The following EBF3 variants were observed in gnomAD, a reference collection of about 807,000 sequenced individuals.
EBF3 encodes EBF transcription factor 3, also known as transcription factor COE3.
In EBF3, 18 loss-of-function variants were observed where a neutral mutation model predicts 77.1. The observed-to-expected ratio is 0.23, with a 90% CI of 0.16 to 0.35. The LOEUF is 0.35. EBF3 is among the 10% of genes least tolerant of loss of function. The pLI is 1.00. For synonymous variants in EBF3, 350 were observed against 343.5 expected (o/e 1.02, Z -0.21); for missense variants, 558 against 860.0 (o/e 0.65, Z 4.39).
chr10:129,954,806 T>C (rs1858923520), intron 6 of EBF3, among the ~76,000 whole-genome samples: 1 of 152,184 alleles, frequency 6.6e-6, no homozygotes, highest in Non-Finnish European at 1.5e-5. Flanking sequence ...ACACTGCTGA[T>C]GGGGACCTGG....
intron 6 of EBF3, among the ~76,000 whole-genome samples, chr10:129,880,689 A>C (rs1400854332): frequency 2.6e-5 from 4 of 152,216 alleles, no homozygotes; most frequent in African/African-American, 9.6e-5. Flanking sequence ...GACACAAATA[A>C]AGTAAGCTCA....
intron 6 of EBF3, among the ~76,000 whole-genome samples, chr10:129,915,497 CAA>C (rs869168004): frequency 0.27 from 22,292 of 83,222 alleles, 2,102 homozygotes; most frequent in East Asian, 0.42. Context: ...CACACACACA[CAA>C]AAAAGCCAAG....
At chr10:129,910,363 C>G (rs1193786154) in intron 6 of EBF3, among the ~76,000 whole-genome samples, 1 of 152,214 alleles carries the variant, frequency 6.6e-6, no homozygotes, top group Non-Finnish European at 1.5e-5. Context: ...AACCCTAACA[C>G]TTACAAAATT....
rs2296548 is a variant in EBF3 at position 129,944,258 on chromosome 10, C to T, written c.554+13000G>A. On this transcript the variant is annotated intron_variant, in intron 6 of 16. Coordinates refer to ENST00000440978, the MANE Select transcript of EBF3 (RefSeq NM_001375380.1). This position sits in a 1 kb window ranked among gnomAD's most constrained non-coding sequence, Gnocchi z 5.1. ...TTATTTGCGGGTGGGGTCATTTCTC[C>T]TTTCAGATTGGTCAATGAGGGGAAC... Among the ~76,000 whole-genome samples the T allele has an allele frequency of 0.058, 8,862 of 152,210 alleles. 689 individuals are homozygous for T. Among genetic ancestry groups the T allele is most frequent in the East Asian group, 0.18 (926 of 5,186 alleles).
At chr10:129,953,187 G>C (rs534321120) in intron 6 of EBF3, among the ~76,000 whole-genome samples, 7 of 151,668 alleles carry the variant, frequency 4.6e-5, no homozygotes, top group Non-Finnish European at 8.8e-5. Context: ...TGCAGGGTAG[G>C]GGGGGCGCAG....
At position 129,863,120 on chromosome 10, in the gene EBF3, A is replaced by G. The variant is rs1851754564; in HGVS notation, c.1039+4021T>C. ...AGAAGGCAATTTACTATTAACTGGC[A>G]ATTACATACAGAGTGATTGTTAATT... On this transcript the variant is annotated intron_variant, in intron 10 of 16. Coordinates refer to ENST00000440978, the MANE Select transcript of EBF3 (RefSeq NM_001375380.1). The surrounding 1 kb of genome is among the most constrained non-coding windows in gnomAD (Gnocchi z 4.0). Among the ~76,000 whole-genome samples, 1 of 152,220 alleles carries G rather than the reference A, an allele frequency of 6.6e-6. No homozygotes were observed. The highest frequency in any genetic ancestry group is 1.5e-5 in the Non-Finnish European group (1 of 68,036).
chr10:129,859,348 T>C (rs570777936), intron 10 of EBF3, among the ~76,000 whole-genome samples: 4 of 152,154 alleles, frequency 2.6e-5, no homozygotes, highest in Admixed American at 2.0e-4. Context: ...CAGCCTCCCA[T>C]GTAGTTGGGA....
intron 6 of EBF3, among the ~76,000 whole-genome samples, chr10:129,934,813 C>T (rs1984103): frequency 0.71 from 107,744 of 151,936 alleles, 38,402 homozygotes; most frequent in East Asian, 0.92. Flanking sequence ...CAGTCACAGA[C>T]AAAGGTCAGT....
Position 129,841,045 on chromosome 10 carries a change from C to A in EBF3, c.1373-13G>T. 6 of 1,600,472 alleles carry A rather than the reference C, an allele frequency of 3.7e-6. No individual in the cohort carries two copies. The highest frequency in any genetic ancestry group is 3.4e-6 in the Non-Finnish European group (4 of 1,172,712). ...CGACTGTAGCCGACTGTTGAAATCC[C>A]CCCCCCGGCCAAAAATAACATTATT... is the stretch of plus-strand genomic sequence containing the variant. On this transcript the variant is annotated splice_polypyrimidine_tract_variant and intron_variant, in intron 13 of 16. Coordinates refer to ENST00000440978, the MANE Select transcript of EBF3 (RefSeq NM_001375380.1). The surrounding 1 kb of genome is among the most constrained non-coding windows in gnomAD (Gnocchi z 4.6).
chr10:129,943,781 T>C lies in EBF3; in HGVS notation c.554+13477A>G, dbSNP rs1309835491. Among the ~76,000 whole-genome samples, 1 of 152,188 alleles carries C rather than the reference T, an allele frequency of 6.6e-6. No homozygotes were observed. Among genetic ancestry groups the C allele is most frequent in the Non-Finnish European group, 1.5e-5 (1 of 68,036 alleles). ...AAACAACACAGAAACAAAGATTCAG[T>C]CTCTTTAAGGTTTTTGGGCTTGATC... On this transcript the variant is annotated intron_variant, in intron 6 of 16. Coordinates refer to ENST00000440978, the MANE Select transcript of EBF3 (RefSeq NM_001375380.1). The surrounding 1 kb of genome is among the most constrained non-coding windows in gnomAD (Gnocchi z 8.8).
At chr10:129,868,005 G>A (rs1852149742) in intron 8 of EBF3, 93 bp from the exon 9 acceptor site, 1 of 1,539,546 alleles carries the variant, frequency 6.5e-7, no homozygotes, top group South Asian at 1.2e-5. Context: ...GGCCACCGCG[G>A]GAGGAGAGGC....
At chr10:129,850,700 C>G (rs138181624) in intron 10 of EBF3, among the ~76,000 whole-genome samples, 3 of 152,196 alleles carry the variant, frequency 2.0e-5, no homozygotes, top group African/African-American at 4.8e-5. Flanking sequence ...AGGAATGACA[C>G]GCATTCGTGG....
chr10:129,958,173 C>T (rs1564926229), intron 5 of EBF3, among the ~76,000 whole-genome samples: 1 of 152,232 alleles, frequency 6.6e-6, no homozygotes, highest in Non-Finnish European at 1.5e-5. Flanking sequence ...AGTGCTGTAA[C>T]AATATGTCTG....
chr10:129,916,910 G>T (rs1855919447), intron 6 of EBF3, among the ~76,000 whole-genome samples: 1 of 152,212 alleles, frequency 6.6e-6, no homozygotes, highest in Non-Finnish European at 1.5e-5. Context: ...GGGTGGGAAT[G>T]AGGGCTAGTG....
intron 10 of EBF3, among the ~76,000 whole-genome samples, chr10:129,859,331 C>A (rs898005677): frequency 2.6e-5 from 4 of 152,158 alleles, no homozygotes; most frequent in African/African-American, 9.7e-5. Context: ...AAGAGATTCT[C>A]CCGTCTCAGC....
chr10:129,841,891 G>A lies in EBF3; in HGVS notation c.1372+225C>T, dbSNP rs1426356749. On this transcript the variant is annotated intron_variant, in intron 13 of 16. Transcript: ENST00000440978. The surrounding 1 kb of genome is among the most constrained non-coding windows in gnomAD (Gnocchi z 4.6). ...CCAGTGACCCGCATGGCATCCATTG[G>A]AGCTGCCGTTTTTAGTAACTGGGCT... Among the ~76,000 whole-genome samples, 1 of 152,176 alleles carries A rather than the reference G, an allele frequency of 6.6e-6. No individual in the cohort carries two copies. The highest frequency in any genetic ancestry group is 1.5e-5 in the Non-Finnish European group (1 of 68,024).
rs1469290706 is a variant in EBF3 at position 129,853,010 on chromosome 10, C to T, written c.1040-4530G>A. On this transcript the variant is annotated intron_variant, in intron 10 of 16. Coordinates refer to ENST00000440978, the MANE Select transcript of EBF3 (RefSeq NM_001375380.1). The stretch of plus-strand genomic sequence containing the variant: ...CTCCCTGCCTGCAAACAGGACTGGA[C>T]TGTGGCAGGAAGGAGGGGACAGGGT... Among the ~76,000 whole-genome samples, 3 of 152,184 alleles carry T rather than the reference C, an allele frequency of 2.0e-5. No individual in the cohort carries two copies. The East Asian group carries it at 5.8e-4, about 29-fold the overall frequency.
At chr10:129,890,250 A>G (rs1372354813) in intron 6 of EBF3, among the ~76,000 whole-genome samples, 1 of 152,220 alleles carries the variant, frequency 6.6e-6, no homozygotes, top group African/African-American at 2.4e-5. Context: ...AACCTTCAGC[A>G]GAAGGAACAT....
In EBF3 at chr10:129,867,813, A is replaced by G; in HGVS notation, c.881T>C (p.Val294Ala). 6.2e-7 allele frequency: 1 copy of G among 1,614,244 alleles called. No individual in the cohort carries two copies. The highest frequency in any genetic ancestry group is 8.5e-7 in the Non-Finnish European group (1 of 1,180,046). Residue 294 changes from valine (V) to alanine (A), a missense_variant, in exon 9 of 17, where the codon GTT (valine) becomes GCT (alanine). By Grantham distance (64) the Val-to-Ala change is moderately conservative. Transcript: ENST00000440978. ...IGDNFFDGLQ[V>A]VFGTMLVWSE... is the part of the protein sequence containing the mutation. ...CCACACCAACATAGTTCCGAATACA[A>G]CTTGCAGCCCGTCAAAGAAGTTGTC...
Sources: allele counts gnomAD v4.1 joint callset (sites outside exome capture counted in the v4.1 genomes callset), GRCh38; gene constraint gnomAD v4.1.1; non-coding constraint Gnocchi (gnomAD v3.1); transcripts MANE v1.5; gene names NCBI Gene and HGNC (gene_info 2026-07-23, HGNC 2026-07-21).